ATXN1: variants seen among roughly 807,000 people sequenced by gnomAD.
ATXN1 encodes ataxin-1.
In ATXN1, 8 loss-of-function variants were observed where a neutral mutation model predicts 56.4. The observed-to-expected ratio is 0.14, with a 90% CI of 0.08 to 0.26. The LOEUF (loss-of-function observed/expected upper bound fraction) is 0.26, where lower values mean the gene tolerates loss of function less well. Among genes scored for constraint, ATXN1 ranks in the 10% least tolerant of loss-of-function variants. The probability of loss-of-function intolerance (pLI) is 1.00; values close to 1 mark genes in which losing one functional copy is unlikely to be tolerated. For missense variants in ATXN1, 987 were observed against 1,106.5 expected, an observed-to-expected ratio of 0.89 and a Z score of 1.53; for synonymous variants, 514 against 494.6, an observed-to-expected ratio of 1.04 and a Z score of -0.52.
intron 2 of ATXN1, among the ~76,000 whole-genome samples, chr6:16,684,336 G>A (rs1758873696): frequency 6.6e-6 from 1 of 152,188 alleles, no homozygotes; most frequent in Non-Finnish European, 1.5e-5. Flanking sequence ...AAACTTGAGA[G>A]TCGGAAGTGG....
chr6:16,739,707 G>C (rs929554346), intron 2 of ATXN1: 38 of 431,908 alleles, frequency 8.8e-5, no homozygotes, highest in South Asian at 6.0e-4. Flanking sequence ...CTATGGGACA[G>C]CTAAAACATT....
At chr6:16,632,183 C>T (rs1213171281) in intron 3 of ATXN1, among the ~76,000 whole-genome samples, 1 of 152,130 alleles carries the variant, frequency 6.6e-6, no homozygotes, top group African/African-American at 2.4e-5. Context: ...CTCTTCTTCC[C>T]CAACTAATCC....
intron 6 of ATXN1, among the ~76,000 whole-genome samples, chr6:16,427,246 T>C (rs1282106227): frequency 3.3e-5 from 5 of 152,182 alleles, no homozygotes; most frequent in Admixed American, 3.3e-4. Context: ...TGATTCTTTG[T>C]GGTGGGGGCT....
intron 6 of ATXN1, among the ~76,000 whole-genome samples, chr6:16,373,441 CGT>C (rs2113494174): frequency 6.6e-6 from 1 of 152,262 alleles, no homozygotes; most frequent in African/African-American, 2.4e-5. Flanking sequence ...GTCCCACACA[CGT>C]GTCTTGGTGA....
At chr6:16,609,504 A>G (rs1252215893) in intron 3 of ATXN1, among the ~76,000 whole-genome samples, 2 of 152,236 alleles carry the variant, frequency 1.3e-5, no homozygotes, top group Non-Finnish European at 2.9e-5. Context: ...GAACCCCAAT[A>G]GAGATTGCCC....
intron 5 of ATXN1, among the ~76,000 whole-genome samples, chr6:16,511,843 G>A (rs765848487): frequency 2.6e-5 from 4 of 152,222 alleles, no homozygotes; most frequent in Admixed American, 6.5e-5. Flanking sequence ...CAGTTCTGAG[G>A]AGAATGAGCG....
intron 5 of ATXN1, among the ~76,000 whole-genome samples, chr6:16,521,683 G>A (rs1354320366): frequency 6.6e-6 from 1 of 152,260 alleles, no homozygotes; most frequent in Non-Finnish European, 1.5e-5. Flanking sequence ...ACAACCGCGA[G>A]TCGGGTGTGT....
chr6:16,311,037 A>G (rs999641996), intron 7 of ATXN1, among the ~76,000 whole-genome samples: 1 of 151,882 alleles, frequency 6.6e-6, no homozygotes, highest in Non-Finnish European at 1.5e-5. Context: ...GTAAGCATGA[A>G]CCCCTTCTCC....
chr6:16,522,690 T>A lies in ATXN1; in HGVS notation c.-360-2A>T, dbSNP rs890876158. 5 of 152,172 alleles carry A rather than the reference T, an allele frequency of 3.3e-5. No individual in the cohort carries two copies. Among genetic ancestry groups the A allele is most frequent in the African/African-American group, 1.2e-4 (5 of 41,436 alleles). The allele number at this position is 152,172 out of a possible 1,614,324, so 9.4% of individuals were successfully genotyped here. On this transcript the variant is annotated splice_acceptor_variant, in intron 4 of 7. Transcript: ENST00000436367. LOFTEE classifies it low-confidence loss of function (5UTR_SPLICE). ...AAATGGTCTAATTTCTTTGGAAAAC[T>A]GGAATAGAAAAAAAGATTTTTTAAA...
intron 6 of ATXN1, among the ~76,000 whole-genome samples, chr6:16,387,545 C>G (rs937377933): frequency 6.6e-6 from 1 of 152,128 alleles, no homozygotes; most frequent in African/African-American, 2.4e-5. Context: ...GGAGTGGGGC[C>G]ATTCTGAATC....
chr6:16,691,701 G>C (rs1401717354), intron 2 of ATXN1, among the ~76,000 whole-genome samples: 1 of 152,216 alleles, frequency 6.6e-6, no homozygotes, highest in Non-Finnish European at 1.5e-5. Context: ...AGCAAATGTA[G>C]TTGAAATAAA....
At chr6:16,536,299 T>C (rs931064994) in intron 4 of ATXN1, among the ~76,000 whole-genome samples, 1 of 152,164 alleles carries the variant, frequency 6.6e-6, no homozygotes, top group African/African-American at 2.4e-5. Context: ...TTTATTTTGA[T>C]TGAGTAATGA....
At chr6:16,687,576 T>C (rs924086955) in intron 2 of ATXN1, among the ~76,000 whole-genome samples, 2 of 151,000 alleles carry the variant, frequency 1.3e-5, no homozygotes, top group African/African-American at 4.9e-5. Flanking sequence ...GAAACGGATT[T>C]AGAATTTCGC....
intron 6 of ATXN1, among the ~76,000 whole-genome samples, chr6:16,400,207 G>A (rs949936916): frequency 1.3e-5 from 2 of 152,168 alleles, no homozygotes; most frequent in African/African-American, 4.8e-5. Context: ...TCTGCCCTCT[G>A]AATACACAGT....
At chr6:16,700,892 A>T (rs949372781) in intron 2 of ATXN1, among the ~76,000 whole-genome samples, 9 of 152,126 alleles carry the variant, frequency 5.9e-5, no homozygotes, top group African/African-American at 7.2e-5. Flanking sequence ...CCAGCTAAAA[A>T]CCCAACATGG....
chr6:16,387,108 T>C (rs114003737), intron 6 of ATXN1, among the ~76,000 whole-genome samples: 2,517 of 152,336 alleles, frequency 0.017, 37 homozygotes, highest in Non-Finnish European at 0.022. Flanking sequence ...GTTAAATACA[T>C]GCATCTGGCA....
chr6:16,542,549 A>G (rs529963213), intron 4 of ATXN1, among the ~76,000 whole-genome samples: 14 of 152,278 alleles, frequency 9.2e-5, no homozygotes, highest in Admixed American at 3.3e-4. Flanking sequence ...CTCTCTCTAG[A>G]GGGAAAGTAT....
At chr6:16,731,483 T>TTTTTTTTTTTA (rs1561827000) in intron 2 of ATXN1, among the ~76,000 whole-genome samples, 1 of 122,794 alleles carries the variant, frequency 8.1e-6, no homozygotes, top group African/African-American at 3.1e-5. Flanking sequence ...TTTTTTTTTT[T>TTTTTTTTTTTA]AATAAAAACG....
intron 2 of ATXN1, among the ~76,000 whole-genome samples, chr6:16,691,463 T>C (rs1759045624): frequency 6.6e-6 from 1 of 152,168 alleles, no homozygotes; most frequent in Non-Finnish European, 1.5e-5. Flanking sequence ...CATTAAAAGA[T>C]TGAGAGTTTT....
Sources: allele counts gnomAD v4.1 joint callset (sites outside exome capture counted in the v4.1 genomes callset), GRCh38; gene constraint gnomAD v4.1.1; transcripts MANE v1.5; gene names NCBI Gene and HGNC (gene_info 2026-07-23, HGNC 2026-07-21).